FAM153A: variants seen among roughly 807,000 people sequenced by gnomAD.
The protein encoded by FAM153A is protein FAM153A.
In FAM153A, 12 loss-of-function variants were observed where a neutral mutation model predicts 48.1. That is an observed-to-expected ratio of 0.25 (90% CI 0.16 to 0.40). The LOEUF is 0.40. Ranked by LOEUF, FAM153A falls within the 10% of genes least tolerant of loss-of-function variation. FAM153A has a pLI of 1.00. For missense variants in FAM153A, 111 were observed against 345.8 expected (o/e 0.32, Z 5.38); for synonymous variants, 36 against 118.2 (o/e 0.30, Z 4.51).
intron 10 of FAM153A, among the ~76,000 whole-genome samples, chr5:177,738,882 C>T (rs1477156087): frequency 6.6e-6 from 1 of 151,354 alleles, no homozygotes; most frequent in Non-Finnish European, 1.5e-5. Flanking sequence ...TTATACCCGC[C>T]CCCCACCTTG....
At chr5:177,767,407 TTTTTC>T (rs1172478856) in intron 1 of FAM153A, among the ~76,000 whole-genome samples, 9 of 90,796 alleles carry the variant, frequency 9.9e-5, no homozygotes, top group African/African-American at 2.9e-4. Flanking sequence ...AGACCATGTT[TTTTTC>T]TTTTCTTTTC....
chr5:177,709,656 C>A (rs1399992328), downstream of FAM153A, among the ~76,000 whole-genome samples: 1 of 135,706 alleles, frequency 7.4e-6, no homozygotes, highest in Admixed American at 7.4e-5. Context: ...CCACTGCGCC[C>A]GGCTGGGTTT....
chr5:177,781,264 A>ATTTTTTTTTTTTTTTTTTTT (rs1303137176), upstream of FAM153A, among the ~76,000 whole-genome samples: 2 of 75,304 alleles, frequency 2.7e-5, no homozygotes, highest in Non-Finnish European at 2.5e-5. Context: ...ACGCCCGGCT[A>ATTTTTTTTTTTTTTTTTTTT]TTTTTTTTTT....
the FAM153A span, among the ~76,000 whole-genome samples, chr5:177,696,627 A>C: frequency 3.3e-5 from 5 of 149,776 alleles, no homozygotes; most frequent in African/African-American, 1.2e-4. Flanking sequence ...ATTCTGTTTA[A>C]TTGATCTATA....
downstream of FAM153A, among the ~76,000 whole-genome samples, chr5:177,706,111 A>G (rs1757861977): frequency 6.6e-6 from 1 of 151,948 alleles, no homozygotes; most frequent in African/African-American, 2.4e-5. Flanking sequence ...AGACAAGTGG[A>G]CCCAGTAGAA....
At chr5:177,708,387 G>C (rs532710261), downstream of FAM153A, among the ~76,000 whole-genome samples, 1,052 of 151,346 alleles carry the variant, frequency 7.0e-3, 7 homozygotes, top group Middle Eastern at 0.02. Context: ...ACCAGCCTGA[G>C]CAACATGGAG....
At chr5:177,739,185 T>C (rs1765172287) in intron 9 of FAM153A, 48 bp from the exon 12 acceptor site, 1 of 1,603,936 alleles carries the variant, frequency 6.2e-7, no homozygotes, top group Non-Finnish European at 8.5e-7. Context: ...TCATGCTGTC[T>C]CTGTGCACAG....
At chr5:177,753,139 G>T in intron 1 of FAM153A, 1 of 1,596,814 alleles carries the variant, frequency 6.3e-7, no homozygotes, top group African/African-American at 1.4e-5. Context: ...CTCATCTGAA[G>T]AAATTGCAGT....
chr5:177,713,546 C>G (rs537796821), intron 26 of FAM153A, among the ~76,000 whole-genome samples: 1 of 151,412 alleles, frequency 6.6e-6, no homozygotes, highest in African/African-American at 2.4e-5. Flanking sequence ...CGTGAGCAAC[C>G]GTGCTCGGTC....
rs573461900 is a variant in FAM153A at position 177,737,187 on chromosome 5, C to G, written c.563-75G>C. ...TCAGGTGGTCTTGGAGCTGTGGACACGGGGCTGGCGTGTGTGGAAAGGTGT... is the reference window on the plus strand; with the variant it reads ...TCAGGTGGTCTTGGAGCTGTGGACAGGGGGCTGGCGTGTGTGGAAAGGTGT... On this transcript the variant is annotated intron_variant, in intron 10 of 20. Transcript: ENST00000614127. 1.6e-3 allele frequency: 2,352 copies of G among 1,464,332 alleles called. 64 individuals are homozygous for G. In the African/African-American group the frequency reaches 0.032, roughly 20 times the overall value. The allele number at this position is 1,464,332 out of a possible 1,614,324, so 90.7% of individuals were successfully genotyped here. A position where few individuals can be genotyped will look rare whatever the true frequency, so the allele number is the denominator to read the frequency against.
chr5:177,696,519 C>T, the FAM153A span, among the ~76,000 whole-genome samples: 22 of 151,538 alleles, frequency 1.5e-4, 2 homozygotes, highest in African/African-American at 3.4e-4. Context: ...TGTCCCACAC[C>T]GTTTGTTGAA....
At chr5:177,755,162 C>T (rs906416866), upstream of FAM153A, among the ~76,000 whole-genome samples, 1 of 151,838 alleles carries the variant, frequency 6.6e-6, no homozygotes, top group Non-Finnish European at 1.5e-5. Flanking sequence ...AGCTGAAAAC[C>T]ATGGCATGAG....
Position 177,736,582 on chromosome 5 carries a change from C to A in FAM153A, c.661G>T (p.Glu221Ter), listed in dbSNP as rs143733594. The A allele has an allele frequency of 1.3e-5, 20 of 1,489,330 alleles. No homozygotes were observed. The highest frequency in any genetic ancestry group is 9.1e-7 in the Non-Finnish European group (1 of 1,101,572). The allele number at this position is 1,489,330 out of a possible 1,614,324, so 92.3% of individuals were successfully genotyped here. ...GAGATGATCCCAGAATACGTACATT[C>A]GGCCAGTGTGTCTGGGTCCCCCTCC... is the stretch of plus-strand genomic sequence containing the variant. The change falls in exon 12 of 21, where the codon GAA becomes TAA. Residue 221 changes from glutamate to a stop codon, truncating the protein, a stop_gained. Transcript: ENST00000614127. LOFTEE classifies it high-confidence loss of function.
chr5:177,698,400 C>G, the FAM153A span, among the ~76,000 whole-genome samples: 1 of 151,886 alleles, frequency 6.6e-6, no homozygotes, highest in Admixed American at 6.5e-5. Flanking sequence ...CAATGCCTGC[C>G]CTGTCCAGCT....
upstream of FAM153A, among the ~76,000 whole-genome samples, chr5:177,781,169 G>A (rs1769606729): frequency 8.8e-6 from 1 of 113,674 alleles, no homozygotes; most frequent in Non-Finnish European, 1.8e-5. Context: ...CTGGATGGCG[G>A]CTCACTGCAA....
downstream of FAM153A, chr5:177,717,433 C>T (rs997924298): frequency 2.0e-5 from 3 of 150,494 alleles, no homozygotes; most frequent in Non-Finnish European, 2.9e-5. Context: ...AGAAAAATCA[C>T]CATTGGAACC....
At chr5:177,705,015 TTATA>T (rs1439941537), downstream of FAM153A, among the ~76,000 whole-genome samples, 1 of 142,796 alleles carries the variant, frequency 7.0e-6, no homozygotes, top group African/African-American at 2.7e-5. Flanking sequence ...AAAAAAAAAA[TTATA>T]TAGACTGGGT....
At chr5:177,699,477 G>A in the FAM153A span, among the ~76,000 whole-genome samples, 160 of 152,034 alleles carry the variant, frequency 1.1e-3, 1 homozygote, top group African/African-American at 3.6e-3. Flanking sequence ...GGCTAATCAA[G>A]CATAGAGGAG....
upstream of FAM153A, among the ~76,000 whole-genome samples, chr5:177,757,474 T>A: frequency 8.0e-6 from 1 of 124,342 alleles, no homozygotes. Context: ...CTAACTCATT[T>A]TATGAGGCCA....
Sources: allele counts gnomAD v4.1 joint callset (sites outside exome capture counted in the v4.1 genomes callset), GRCh38; gene constraint gnomAD v4.1.1; transcripts MANE v1.5; gene names NCBI Gene and HGNC (gene_info 2026-07-23, HGNC 2026-07-21).